Variants in LRCH1 observed in about 807,000 individuals in gnomAD.
LRCH1 encodes leucine-rich repeat and calponin homology domain-containing protein 1.
A neutral mutation model predicts 94.9 loss-of-function variants in LRCH1; 23 were observed. The observed-to-expected ratio is 0.24, with a 90% CI of 0.17 to 0.34. LRCH1 has a LOEUF of 0.34. Among genes scored for constraint, LRCH1 ranks in the 10% least tolerant of loss-of-function variants. The pLI is 1.00. For missense variants in LRCH1, 790 were observed against 945.9 expected (o/e 0.84, Z 2.16); for synonymous variants, 364 against 354.9 (o/e 1.03, Z -0.29).
intron 13 of LRCH1, among the ~76,000 whole-genome samples, chr13:46,706,660 C>T (rs534640382): frequency 3.4e-4 from 52 of 152,152 alleles, no homozygotes; most frequent in African/African-American, 1.2e-3. Context: ...TGGCTTCAAG[C>T]GATACTTCCT....
intron 10 of LRCH1, among the ~76,000 whole-genome samples, chr13:46,699,903 T>C (rs1871377731): frequency 6.6e-6 from 1 of 152,224 alleles, no homozygotes; most frequent in South Asian, 2.1e-4. Flanking sequence ...ATTTCATCTT[T>C]ACAACACTCC....
intron 1 of LRCH1, among the ~76,000 whole-genome samples, chr13:46,585,174 A>G (rs552589561): frequency 6.6e-6 from 1 of 152,352 alleles, no homozygotes; most frequent in African/African-American, 2.4e-5. Flanking sequence ...AGAAATGAGT[A>G]GGAACAATTT....
intron 16 of LRCH1, among the ~76,000 whole-genome samples, chr13:46,718,090 C>T (rs1328264701): frequency 6.6e-6 from 1 of 152,176 alleles, no homozygotes; most frequent in Non-Finnish European, 1.5e-5. Flanking sequence ...CTCTTGTGTC[C>T]TCTTACTGAA....
At chr13:46,703,185 C>T (rs1171202635) in intron 11 of LRCH1, among the ~76,000 whole-genome samples, 3 of 152,158 alleles carry the variant, frequency 2.0e-5, no homozygotes, top group African/African-American at 7.2e-5. Flanking sequence ...GTTGTTCATA[C>T]ATGTATGTTA....
intron 1 of LRCH1, among the ~76,000 whole-genome samples, chr13:46,625,995 A>G (rs1012487796): frequency 3.3e-5 from 5 of 152,136 alleles, no homozygotes; most frequent in South Asian, 2.1e-4. Context: ...GTATTTTTGT[A>G]TCTTCCATTG....
chr13:46,705,535 G>C, intron 13 of LRCH1: 1 of 589,798 alleles, frequency 1.7e-6, no homozygotes. Context: ...ATTTCTATTA[G>C]ATTCTGTAGA....
chr13:46,696,195 TACACACACAC>T (rs10553999), intron 9 of LRCH1, among the ~76,000 whole-genome samples: 4,193 of 147,180 alleles, frequency 0.028, 177 homozygotes, highest in African/African-American at 0.096. Context: ...TGCATGTGTG[TACACACACAC>T]ACACACACAC....
At position 46,721,568 on chromosome 13, in the gene LRCH1, G is replaced by T. The variant is rs144717408; in HGVS notation, c.1760-1653G>T. ...CTCTGTGAACTTTTCATCTTTCCCT[G>T]CCTGGTCACTCTGTCCTTTTACTGA... On this transcript the variant is annotated intron_variant, in intron 16 of 19. Coordinates refer to ENST00000389797, the MANE Select transcript of LRCH1 (RefSeq NM_001164211.2). 2.8e-3 allele frequency among the ~76,000 whole-genome samples: 426 copies of T among 152,096 alleles called. 3 individuals carry two copies. The highest frequency in any genetic ancestry group is 0.01 in the African/African-American group (416 of 41,482).
chr13:46,627,365 A>G (rs1256223136), intron 1 of LRCH1, among the ~76,000 whole-genome samples: 1 of 152,084 alleles, frequency 6.6e-6, no homozygotes, highest in Non-Finnish European at 1.5e-5. Flanking sequence ...GGAACTAAGT[A>G]CAAAGGAATG....
At chr13:46,655,813 G>T (rs1566203461) in intron 2 of LRCH1, among the ~76,000 whole-genome samples, 1 of 152,208 alleles carries the variant, frequency 6.6e-6, no homozygotes, top group Non-Finnish European at 1.5e-5. Context: ...GCCAAGAAAT[G>T]AAAGTTCTGT....
intron 1 of LRCH1, among the ~76,000 whole-genome samples, chr13:46,646,505 G>A (rs1397328820): frequency 3.3e-5 from 5 of 152,044 alleles, no homozygotes; most frequent in Admixed American, 6.5e-5. Flanking sequence ...AAATAATTAT[G>A]TAAATATTCA....
chr13:46,602,958 A>G (rs1050493175), intron 1 of LRCH1, among the ~76,000 whole-genome samples: 3 of 90,908 alleles, frequency 3.3e-5, no homozygotes, highest in South Asian at 8.3e-4. Context: ...ACAAATACAT[A>G]CATGCATACA....
intron 3 of LRCH1, among the ~76,000 whole-genome samples, chr13:46,670,517 C>T (rs2138120160): frequency 1.3e-5 from 2 of 152,350 alleles, no homozygotes; most frequent in Admixed American, 1.3e-4. Flanking sequence ...AGAGGCAGAT[C>T]TGGTCTGATG....
chr13:46,579,235 A>G (rs891591812), intron 1 of LRCH1, among the ~76,000 whole-genome samples: 5 of 152,140 alleles, frequency 3.3e-5, no homozygotes, highest in Admixed American at 2.6e-4. Context: ...AGAAGGTTGC[A>G]CTGGATTGCT....
chr13:46,639,213 G>A (rs368652621), intron 1 of LRCH1, among the ~76,000 whole-genome samples: 6 of 152,256 alleles, frequency 3.9e-5, no homozygotes, highest in East Asian at 1.9e-4. Flanking sequence ...AGCAGCAGCC[G>A]TAGCGTCCAC....
In LRCH1 at chr13:46,652,623, T is replaced by C. The variant is rs369554517; in HGVS notation, c.452+2278T>C. Among the ~76,000 whole-genome samples the C allele has an allele frequency of 2.4e-3, 365 of 152,248 alleles. 1 individual carries two copies. The highest frequency in any genetic ancestry group is 0.019 in the South Asian group (92 of 4,826). ...AATTTCCTGGTGCAGCAAGCATAAG[T>C]GTCTATAGAATTTGGGTCAGTATCT... On this transcript the variant is annotated intron_variant, in intron 2 of 19. Transcript: ENST00000389797.
At chr13:46,694,462 G>A (rs1306830173) in intron 8 of LRCH1, among the ~76,000 whole-genome samples, 1 of 152,144 alleles carries the variant, frequency 6.6e-6, no homozygotes, top group Non-Finnish European at 1.5e-5. Flanking sequence ...GCTGTTTAAG[G>A]ACAGGAGTCA....
intron 19 of LRCH1, 31 bp from the exon 20 acceptor site, chr13:46,741,611 C>T (rs1441112893): frequency 6.2e-7 from 1 of 1,613,868 alleles, no homozygotes; most frequent in South Asian, 1.1e-5. Flanking sequence ...TGCACTGTCT[C>T]TTTCTGTTCT....
intron 1 of LRCH1, among the ~76,000 whole-genome samples, chr13:46,568,802 AGAACTC>A (rs1158340659): frequency 9.2e-5 from 14 of 152,344 alleles, no homozygotes; most frequent in African/African-American, 3.1e-4. Flanking sequence ...TGTATTTGTC[AGAACTC>A]AGTGAACTCT....
Sources: gnomAD v4.1 joint callset for allele counts (sites outside exome capture counted in the v4.1 genomes callset) on GRCh38, gnomAD v4.1.1 for gene constraint, MANE v1.5 for transcripts, NCBI Gene and HGNC (gene_info 2026-07-23, HGNC 2026-07-21) for gene names.